Variants in SCN10A observed in about 807,000 individuals in gnomAD.
SCN10A encodes the protein sodium channel protein type 10 subunit alpha.
In SCN10A, 162 loss-of-function variants were observed where a neutral mutation model predicts 170.7. The ratio of observed to expected loss-of-function variants is 0.95; its 90% CI spans 0.84 to 1.08. SCN10A has a LOEUF of 1.08. Among genes scored for constraint, SCN10A ranks in the 50% least tolerant of loss-of-function variants. SCN10A has a pLI of 0.00. For synonymous variants in SCN10A, 985 were observed against 904.6 expected, an observed-to-expected ratio of 1.09 and a Z score of -1.59; for missense variants, 2,527 against 2,436.9, an observed-to-expected ratio of 1.04 and a Z score of -0.78.
In SCN10A at chr3:38,742,307, A is replaced by G; in HGVS notation, c.2090T>C (p.Leu697Pro). ...AGCACTCACGATGTTGCCTATCTGG[A>G]GCATGGCTTCGAAGGTAGGGCTCAT... Reference protein sequence around the residue: ...HGMSPTFEAMLQIGNIVFTIF... With the variant: ...HGMSPTFEAMPQIGNIVFTIF... The change falls in exon 14 of 28, where the codon CTC (leucine) becomes CCC (proline). Residue 697 changes from leucine (L) to proline (P), a missense_variant. Leu to Pro is a moderately conservative substitution (Grantham distance 98). Coordinates refer to ENST00000449082, the MANE Select transcript of SCN10A (RefSeq NM_006514.4). 1 of 1,612,186 alleles carries G rather than the reference A, an allele frequency of 6.2e-7. No individual in the cohort carries two copies. Among genetic ancestry groups the G allele is most frequent in the Non-Finnish European group, 8.5e-7 (1 of 1,179,496 alleles).
At chr3:38,747,236 G>T (rs55779957) in intron 13 of SCN10A, among the ~76,000 whole-genome samples, 13,908 of 151,998 alleles carry the variant, frequency 0.092, 1,117 homozygotes, top group African/African-American at 0.2. Flanking sequence ...CAACATATTT[G>T]CCTATTACTT....
intron 27 of SCN10A, among the ~76,000 whole-genome samples, chr3:38,701,578 A>G (rs2063156553): frequency 6.6e-6 from 1 of 152,218 alleles, no homozygotes; most frequent in South Asian, 2.1e-4. Flanking sequence ...CTGAGGTTCT[A>G]GCCATGGGCT....
chr3:38,783,649 C>A (rs961045510), intron 4 of SCN10A, among the ~76,000 whole-genome samples: 1 of 151,964 alleles, frequency 6.6e-6, no homozygotes. Flanking sequence ...TTTTTATGGG[C>A]AAATGTTCAT....
At chr3:38,792,251 T>C in intron 2 of SCN10A, 83 bp from the exon 3 acceptor site, 1 of 1,540,570 alleles carries the variant, frequency 6.5e-7, no homozygotes, top group South Asian at 1.2e-5. Flanking sequence ...ATGAGAGGCA[T>C]TATCTCAGGC....
intron 4 of SCN10A, among the ~76,000 whole-genome samples, chr3:38,781,628 C>T (rs1368006207): frequency 1.3e-5 from 2 of 152,078 alleles, no homozygotes; most frequent in Admixed American, 6.6e-5. Flanking sequence ...AAAATGCCTT[C>T]CAAGAGTTCA....
At chr3:38,812,798 C>T (rs145971408) in intron 1 of SCN10A, among the ~76,000 whole-genome samples, 9 of 152,096 alleles carry the variant, frequency 5.9e-5, no homozygotes, top group Non-Finnish European at 1.2e-4. Context: ...TTTTGGGAGG[C>T]TGCAGTAGGA....
chr3:38,723,583 T>A (rs1203349528), intron 18 of SCN10A, 30 bp from the exon 19 acceptor site: 1 of 1,560,310 alleles, frequency 6.4e-7, no homozygotes, highest in Admixed American at 1.9e-5. Context: ...GGCAGTGAAC[T>A]CGTCTCTCCG....
intron 24 of SCN10A, 28 bp downstream of exon 24, chr3:38,710,816 G>T: frequency 6.2e-7 from 1 of 1,604,392 alleles, no homozygotes; most frequent in Non-Finnish European, 8.5e-7. Flanking sequence ...AGAGGGGAAG[G>T]CTGTAGGGAC....
intron 4 of SCN10A, among the ~76,000 whole-genome samples, chr3:38,773,039 G>T (rs1368572927): frequency 6.6e-6 from 1 of 152,170 alleles, no homozygotes; most frequent in Non-Finnish European, 1.5e-5. Context: ...AAAGAAATTA[G>T]AAGACAATGA....
At chr3:38,776,912 T>C (rs925806080) in intron 4 of SCN10A, among the ~76,000 whole-genome samples, 6 of 152,060 alleles carry the variant, frequency 3.9e-5, no homozygotes, top group African/African-American at 1.2e-4. Context: ...TTTACAGATT[T>C]ACTATACTAA....
intron 15 of SCN10A, among the ~76,000 whole-genome samples, chr3:38,730,435 T>C (rs1022533944): frequency 5.9e-5 from 9 of 152,208 alleles, no homozygotes; most frequent in Admixed American, 1.3e-4. Flanking sequence ...GGTTTCAAAC[T>C]ATTCCCTCAA....
intron 27 of SCN10A, among the ~76,000 whole-genome samples, chr3:38,700,279 G>T (rs1236608401): frequency 6.6e-6 from 1 of 152,152 alleles, no homozygotes; most frequent in African/African-American, 2.4e-5. Context: ...GTTTCCAGGA[G>T]CTGGGAGGAG....
chr3:38,756,550 T>C (rs1160238424), intron 10 of SCN10A, 124 bp downstream of exon 10: 5 of 783,194 alleles, frequency 6.4e-6, no homozygotes, highest in Non-Finnish European at 1.1e-5. Flanking sequence ...ATATGGTCCC[T>C]GAGGCAAGAT....
intron 4 of SCN10A, among the ~76,000 whole-genome samples, chr3:38,783,433 A>G (rs2064162332): frequency 6.6e-6 from 1 of 151,996 alleles, no homozygotes; most frequent in East Asian, 1.9e-4. Context: ...CTTGATTTCA[A>G]ACTTTATATA....
chr3:38,714,122 G>A (rs766560991), intron 21 of SCN10A, 42 bp from the exon 22 acceptor site: 1 of 1,606,746 alleles, frequency 6.2e-7, no homozygotes, highest in South Asian at 1.1e-5. Context: ...TAGGTTTCCA[G>A]AAAGGCAGTC....
intron 15 of SCN10A, among the ~76,000 whole-genome samples, chr3:38,730,117 G>GT: frequency 6.6e-6 from 1 of 152,322 alleles, no homozygotes; most frequent in African/African-American, 2.4e-5. Flanking sequence ...GCCGAAGGTT[G>GT]TAAGCCTAGC....
At chr3:38,802,593 C>T (rs956758132) in intron 1 of SCN10A, among the ~76,000 whole-genome samples, 3 of 152,102 alleles carry the variant, frequency 2.0e-5, no homozygotes, top group Non-Finnish European at 2.9e-5. Context: ...ACAGGCTAGC[C>T]ATATGTAGAA....
intron 13 of SCN10A, among the ~76,000 whole-genome samples, chr3:38,749,505 C>T (rs925765917): frequency 3.9e-5 from 6 of 152,212 alleles, no homozygotes; most frequent in Admixed American, 6.5e-5. Context: ...AACTTAGATA[C>T]ATTGCTGGGG....
intron 5 of SCN10A, among the ~76,000 whole-genome samples, chr3:38,769,206 C>T (rs4676596): frequency 0.41 from 61,309 of 147,866 alleles, 13,106 homozygotes; most frequent in Admixed American, 0.51. Flanking sequence ...TCTGGTGTCT[C>T]CTTGAATCAC....
Sources: allele counts gnomAD v4.1 joint callset (sites outside exome capture counted in the v4.1 genomes callset), GRCh38; gene constraint gnomAD v4.1.1; transcripts MANE v1.5; gene names NCBI Gene and HGNC (gene_info 2026-07-23, HGNC 2026-07-21).